Variants in CFAP61 observed in about 807,000 individuals in gnomAD.
The protein encoded by CFAP61 is cilia and flagella associated protein 61, also known as cilia- and flagella-associated protein 61.
CFAP61 carries 107 observed loss-of-function variants against 135.6 expected under a neutral mutation model. The ratio of observed to expected loss-of-function variants is 0.79; its 90% CI spans 0.67 to 0.93. The LOEUF is 0.93. CFAP61 is among the 40% of genes least tolerant of loss of function. The pLI is 0.00. For synonymous variants in CFAP61, 575 were observed against 578.5 expected (o/e 0.99, Z 0.09); for missense variants, 1,507 against 1,556.2 (o/e 0.97, Z 0.53).
Position 20,070,990 on chromosome 20 carries a change from G to C in CFAP61, c.280G>C (p.Asp94His). The C allele has an allele frequency of 1.9e-6, 3 of 1,614,080 alleles. No individual in the cohort carries two copies. Among genetic ancestry groups the C allele is most frequent in the Non-Finnish European group, 1.7e-6 (2 of 1,179,972 alleles). Residue 94 changes from aspartate to histidine, a missense_variant, in exon 3 of 27, where the codon GAC (aspartate) becomes CAC (histidine). Physicochemically the swap from Asp to His is moderately conservative, Grantham distance 81. Transcript: ENST00000245957. ...GTCAGTGTTCCGGGAGCTCGACAGT[G>C]ACATCCCATGCACAGTAAGAAATCA... ...WVSVFRELDS[D>H]IPCTPLNTLF...
chr20:20,184,863 C>T (rs1021381695), intron 13 of CFAP61, among the ~76,000 whole-genome samples: 1 of 152,140 alleles, frequency 6.6e-6, no homozygotes, highest in East Asian at 1.9e-4. Context: ...CAAGTGGGAA[C>T]CTCTGATGAG....
intron 17 of CFAP61, among the ~76,000 whole-genome samples, chr20:20,227,581 A>C (rs1259122894): frequency 1.3e-5 from 2 of 152,234 alleles, no homozygotes; most frequent in Admixed American, 1.3e-4. Flanking sequence ...TAATTCAGGT[A>C]ATTTTTGTAA....
At chr20:20,321,037 T>C (rs2057485572) in intron 25 of CFAP61, among the ~76,000 whole-genome samples, 1 of 151,922 alleles carries the variant, frequency 6.6e-6, no homozygotes, top group Admixed American at 6.6e-5. Context: ...AGGGCAGTTA[T>C]TAATTCTAAG....
chr20:20,298,031 C>T (rs575450253), intron 24 of CFAP61, 150 bp from the exon 25 acceptor site: 18 of 607,964 alleles, frequency 3.0e-5, no homozygotes, highest in African/African-American at 1.7e-4. Flanking sequence ...CACCTTCTGC[C>T]GAGTTTAGTC....
At chr20:20,345,165 G>A (rs1291697951) in intron 26 of CFAP61, among the ~76,000 whole-genome samples, 1 of 152,110 alleles carries the variant, frequency 6.6e-6, no homozygotes, top group African/African-American at 2.4e-5. Flanking sequence ...CAGTTAGATA[G>A]GATGAATAAG....
At chr20:20,186,674 T>C (rs1418647214) in intron 13 of CFAP61, among the ~76,000 whole-genome samples, 1 of 152,190 alleles carries the variant, frequency 6.6e-6, no homozygotes, top group Admixed American at 6.5e-5. Flanking sequence ...GTATTAATTG[T>C]TCATCTTTTT....
At chr20:20,188,350 T>C (rs2055664797) in intron 14 of CFAP61, among the ~76,000 whole-genome samples, 2 of 152,078 alleles carry the variant, frequency 1.3e-5, no homozygotes, top group Admixed American at 6.5e-5. Context: ...TGGATCCTAG[T>C]CTTTGGGATA....
At chr20:20,268,255 G>T (rs188070755) in intron 21 of CFAP61, among the ~76,000 whole-genome samples, 96 of 152,338 alleles carry the variant, frequency 6.3e-4, no homozygotes, top group African/African-American at 2.2e-3. Context: ...GTGGTTGGGT[G>T]ACATGTCCCT....
At chr20:20,271,881 G>T (rs1437256787) in intron 21 of CFAP61, among the ~76,000 whole-genome samples, 1 of 152,146 alleles carries the variant, frequency 6.6e-6, no homozygotes, top group African/African-American at 2.4e-5. Flanking sequence ...AGGAAACAGT[G>T]ACTAAATCTT....
chr20:20,093,824 T>G (rs1316792079), intron 7 of CFAP61, among the ~76,000 whole-genome samples: 1 of 152,184 alleles, frequency 6.6e-6, no homozygotes, highest in African/African-American at 2.4e-5. Context: ...CTCAGGCCAA[T>G]TAAGTCAATC....
intron 9 of CFAP61, among the ~76,000 whole-genome samples, chr20:20,145,262 C>T (rs546611351): frequency 6.6e-6 from 1 of 151,984 alleles, no homozygotes; most frequent in Non-Finnish European, 1.5e-5. Flanking sequence ...TGAGAGGAGA[C>T]CCAGAGGGGA....
intron 21 of CFAP61, among the ~76,000 whole-genome samples, chr20:20,270,970 C>T (rs143974775): frequency 6.6e-6 from 1 of 152,182 alleles, no homozygotes; most frequent in Non-Finnish European, 1.5e-5. Context: ...CCGCACCCAG[C>T]CCCAGGTTGA....
At chr20:20,341,227 C>A (rs1441007612) in intron 25 of CFAP61, among the ~76,000 whole-genome samples, 1 of 152,116 alleles carries the variant, frequency 6.6e-6, no homozygotes, top group East Asian at 1.9e-4. Context: ...AAAAATGCAT[C>A]AAATTTTCCA....
At chr20:20,171,138 C>T (rs1388437843) in intron 13 of CFAP61, among the ~76,000 whole-genome samples, 1 of 152,158 alleles carries the variant, frequency 6.6e-6, no homozygotes, top group Non-Finnish European at 1.5e-5. Flanking sequence ...TGTTTCTCGA[C>T]ATGGTGTGGT....
intron 8 of CFAP61, among the ~76,000 whole-genome samples, chr20:20,119,256 T>C (rs2049424413): frequency 6.6e-6 from 1 of 152,174 alleles, no homozygotes; most frequent in African/African-American, 2.4e-5. Context: ...GGGCTTTTCC[T>C]TGATCGTAGA....
chr20:20,180,297 C>G (rs1194839789), intron 13 of CFAP61, among the ~76,000 whole-genome samples: 1 of 151,616 alleles, frequency 6.6e-6, no homozygotes, highest in East Asian at 1.9e-4. Context: ...CCACTGCACT[C>G]CAGCCTGGGC....
intron 18 of CFAP61, among the ~76,000 whole-genome samples, chr20:20,242,922 A>C (rs2146969554): frequency 6.6e-6 from 1 of 152,316 alleles, no homozygotes; most frequent in Non-Finnish European, 1.5e-5. Flanking sequence ...GGCAGAGGTA[A>C]GGTGAGAGGA....
At position 20,243,388 on chromosome 20, in the gene CFAP61, C is replaced by G. The variant is rs1305118447; in HGVS notation, c.2061-2729C>G. ...CCCTGGCCCCTCCCAAATCTTATGC[C>G]TTCACATTTCAAAACCCATCATGCC... On this transcript the variant is annotated intron_variant, in intron 18 of 26. Coordinates refer to ENST00000245957, the MANE Select transcript of CFAP61 (RefSeq NM_015585.4). 2.0e-5 allele frequency among the ~76,000 whole-genome samples: 3 copies of G among 151,932 alleles called. No homozygotes were observed. In the East Asian group the frequency reaches 5.8e-4, roughly 29 times the overall value.
At chr20:20,307,731 T>C (rs945716962) in intron 25 of CFAP61, among the ~76,000 whole-genome samples, 14 of 152,166 alleles carry the variant, frequency 9.2e-5, no homozygotes, top group African/African-American at 3.4e-4. Flanking sequence ...AAGAAAAAAA[T>C]TTATTTAGAG....
Sources: allele counts gnomAD v4.1 joint callset (sites outside exome capture counted in the v4.1 genomes callset), GRCh38; gene constraint gnomAD v4.1.1; transcripts MANE v1.5; gene names NCBI Gene and HGNC (gene_info 2026-07-23, HGNC 2026-07-21).